CALML4: variants seen among roughly 807,000 people sequenced by gnomAD.
CALML4 encodes the protein calmodulin like 4, also known as calmodulin-like protein 4.
Under a neutral mutation model 17.9 loss-of-function variants are expected in CALML4, and 16 were observed. That is an observed-to-expected ratio of 0.89 (90% CI 0.61 to 1.36). The LOEUF is 1.36. CALML4 is among the 40% of genes most tolerant of loss of function. The pLI is 0.00. For synonymous variants in CALML4, 86 were observed against 71.5 expected (o/e 1.20, Z -1.02); for missense variants, 203 against 194.8 (o/e 1.04, Z -0.25).
Position 68,197,328 on chromosome 15 carries a change from GCAT to G in CALML4, c.364+109_364+111del. On this transcript the variant is annotated intron_variant, in intron 4 of 4. Coordinates refer to ENST00000467889, the MANE Select transcript of CALML4 (RefSeq NM_033429.3). This position sits in a 1 kb window ranked among gnomAD's most constrained non-coding sequence, Gnocchi z 4.1. ...CATCTGCTCACAGTCTCCTGCGCGC[GCAT>G]CAACAGAGGTGGTCTGTACCACCCT... is the stretch of plus-strand genomic sequence containing the variant. 1 of 953,342 alleles carries G rather than the reference GCAT, an allele frequency of 1.0e-6. No homozygotes were observed. The highest frequency in any genetic ancestry group is 1.6e-6 in the Non-Finnish European group (1 of 628,470). The allele number at this position is 953,342 out of a possible 1,614,324, so 59.1% of individuals were successfully genotyped here. A position where few individuals can be genotyped will look rare whatever the true frequency, so the allele number is the denominator to read the frequency against.
chr15:68,194,326 A>G (rs2093133412), intron 4 of CALML4, among the ~76,000 whole-genome samples: 1 of 151,382 alleles, frequency 6.6e-6, no homozygotes, highest in South Asian at 2.1e-4. Context: ...GGCTTTCTGC[A>G]GGGGCAGGGA....
rs910726952 is a variant in CALML4 at position 68,200,913 on chromosome 15, A to G, written c.35-1232T>C. 2.0e-5 allele frequency among the ~76,000 whole-genome samples: 3 copies of G among 152,114 alleles called. No individual in the cohort carries two copies. Among genetic ancestry groups the G allele is most frequent in the African/African-American group, 7.2e-5 (3 of 41,432 alleles). ...CGGACAGGACATTGAGGGCTGGAAC[A>G]CTGAGAGCCTGGCTGTGGGCAGCTC... On this transcript the variant is annotated intron_variant, in intron 2 of 4. Coordinates refer to ENST00000467889, the MANE Select transcript of CALML4 (RefSeq NM_033429.3). This position sits in a 1 kb window ranked among gnomAD's most constrained non-coding sequence, Gnocchi z 4.3.
Position 68,199,541 on chromosome 15 carries a change from C to A in CALML4, c.175G>T (p.Asp59Tyr). The A allele has an allele frequency of 1.2e-6, 2 of 1,612,870 alleles. No individual in the cohort carries two copies. The highest frequency in any genetic ancestry group is 3.3e-4 in the Middle Eastern group (2 of 5,998). ...CCCCGTTGTTCCCACCACCACTCAC[C>A]TATCCCGTGGGTCTGCAGGTGCCGC... is the stretch of plus-strand genomic sequence containing the variant. ...VQRHLQTHGI[D>Y]GNGELDFSTF... is the part of the protein sequence containing the mutation. Residue 59 changes from aspartate to tyrosine, a missense_variant and splice_region_variant, in exon 3 of 5, where the codon GAC (aspartate) becomes TAC (tyrosine). Transcript: ENST00000467889.
rs1241551106 is a variant in CALML4, at chr15:68,193,704, A to G, written c.*311T>C. On this transcript the variant is annotated 3_prime_UTR_variant, in exon 5 of 5. Coordinates refer to ENST00000467889, the MANE Select transcript of CALML4 (RefSeq NM_033429.3). The stretch of plus-strand genomic sequence containing the variant: ...CTTTGAGGAGTGAAATGATTTGCCC[A>G]AAGTCACAGTGGGAAGCAGCAGAGC... 7 of 290,556 alleles carry G rather than the reference A, an allele frequency of 2.4e-5. No individual in the cohort carries two copies. Among genetic ancestry groups the G allele is most frequent in the Non-Finnish European group, 6.5e-6 (1 of 153,532 alleles). The allele number at this position is 290,556 out of a possible 1,614,324, so 18.0% of individuals were successfully genotyped here. A position where few individuals can be genotyped will look rare whatever the true frequency, so the allele number is the denominator to read the frequency against.
rs542029539 is a variant in CALML4 at position 68,193,956 on chromosome 15, A to T, written c.*59T>A. 1.6e-4 allele frequency: 208 copies of T among 1,279,918 alleles called. No homozygotes were observed. Among genetic ancestry groups the T allele is most frequent in the Middle Eastern group, 5.6e-4 (3 of 5,374 alleles). 79.3% of individuals were successfully genotyped at this position (1,279,918 alleles called of 1,614,324 possible). A position where few individuals can be genotyped will look rare whatever the true frequency, so the allele number is the denominator to read the frequency against. ...CTCCCAAGTGAAAAGAACACTTTTT[A>T]AAAAAAATTAATTGCTCCAAGTTTT... On this transcript the variant is annotated 3_prime_UTR_variant, in exon 5 of 5. Coordinates refer to ENST00000467889, the MANE Select transcript of CALML4 (RefSeq NM_033429.3).
At position 68,193,955 on chromosome 15, in the gene CALML4, T is replaced by G. The variant is rs1334244594; in HGVS notation, c.*60A>C. On this transcript the variant is annotated 3_prime_UTR_variant, in exon 5 of 5. Coordinates refer to ENST00000467889, the MANE Select transcript of CALML4 (RefSeq NM_033429.3). Reference sequence around the variant, plus strand: ...TCTCCCAAGTGAAAAGAACACTTTTTAAAAAAAATTAATTGCTCCAAGTTT... The same window carrying G: ...TCTCCCAAGTGAAAAGAACACTTTTGAAAAAAAATTAATTGCTCCAAGTTT... The G allele has an allele frequency of 7.8e-7, 1 of 1,283,358 alleles. No homozygotes were observed. The highest frequency in any genetic ancestry group is 1.5e-5 in the African/African-American group (1 of 67,318). The allele number at this position is 1,283,358 out of a possible 1,614,324, so 79.5% of individuals were successfully genotyped here.
rs1038273268 is a variant in CALML4 at position 68,193,817 on chromosome 15, C to T, written c.*198G>A. ...CTCACGGTAGTTAATAAAATCAATA[C>T]AAATCTTTTATTAAAGATCTACTCA... On this transcript the variant is annotated 3_prime_UTR_variant, in exon 5 of 5. Coordinates refer to ENST00000467889, the MANE Select transcript of CALML4 (RefSeq NM_033429.3). 7.3e-6 allele frequency: 4 copies of T among 551,220 alleles called. No homozygotes were observed. In the Admixed American group the frequency reaches 1.3e-4, roughly 17 times the overall value. The allele number at this position is 551,220 out of a possible 1,614,324, so 34.1% of individuals were successfully genotyped here.
At chr15:68,205,507 G>GCCT, upstream of CALML4, 2 of 1,102,718 alleles carry the variant, frequency 1.8e-6, no homozygotes, top group Non-Finnish European at 2.6e-6. This position sits in a 1 kb window ranked among gnomAD's most constrained non-coding sequence, Gnocchi z 4.8. Flanking sequence ...CAGAGTCTCT[G>GCCT]CCTCCAGAAG....
Position 68,200,243 on chromosome 15 carries a change from TATG to T in CALML4, c.35-565_35-563del, listed in dbSNP as rs1461054389. ...GAGGCCTGCCAGAGAGTGGCCTTCATATGATGATATTATCATCATCATCAGAGC... is the reference window on the plus strand; with the variant it reads ...GAGGCCTGCCAGAGAGTGGCCTTCATATGATATTATCATCATCATCAGAGC... On this transcript the variant is annotated intron_variant, in intron 2 of 4. Transcript: ENST00000467889. The surrounding 1 kb of genome is among the most constrained non-coding windows in gnomAD (Gnocchi z 4.3). Among the ~76,000 whole-genome samples, 18 of 152,236 alleles carry T rather than the reference TATG, an allele frequency of 1.2e-4. No homozygotes were observed. The highest frequency in any genetic ancestry group is 2.1e-4 in the Non-Finnish European group (14 of 68,046).
At chr15:68,199,113 G>A (rs1359340446) in intron 3 of CALML4, among the ~76,000 whole-genome samples, 1 of 149,006 alleles carries the variant, frequency 6.7e-6, no homozygotes, top group Non-Finnish European at 1.5e-5. Context: ...AGTGAGCCGA[G>A]ATCTCACCAC....
chr15:68,205,485 T>C, upstream of CALML4: 1 of 1,359,976 alleles, frequency 7.4e-7, no homozygotes, highest in Non-Finnish European at 1.0e-6. The surrounding 1 kb of genome is among the most constrained non-coding windows in gnomAD (Gnocchi z 4.8). Flanking sequence ...TGCAGAAGGC[T>C]CTCCCTGGGC....
intron 4 of CALML4, among the ~76,000 whole-genome samples, chr15:68,194,930 C>T (rs1252154678): frequency 9.0e-6 from 1 of 111,436 alleles, no homozygotes. Flanking sequence ...CTACCATCAC[C>T]TCTAAAAAAA....
rs2093149112 is a variant in CALML4, at chr15:68,197,471, CG to C, written c.332del (p.Thr111ArgfsTer27). ...VMASDLRSKL[T>X]SLGEKLTHKE... The stretch of plus-strand genomic sequence containing the variant: ...TGTGGGTGAGCTTCTCCCCCAGACT[CG>C]TGAGTTTTGACCGCAGGTCGGACGC... On this transcript the variant is annotated frameshift_variant, in exon 4 of 5. Transcript: ENST00000467889. LOFTEE classifies it high-confidence loss of function. This position sits in a 1 kb window ranked among gnomAD's most constrained non-coding sequence, Gnocchi z 4.1. The C allele has an allele frequency of 6.2e-7, 1 of 1,614,012 alleles. No homozygotes were observed. Among genetic ancestry groups the C allele is most frequent in the African/African-American group, 1.3e-5 (1 of 74,918 alleles).
chr15:68,201,369 G>A (rs2093164991), intron 2 of CALML4, among the ~76,000 whole-genome samples: 1 of 152,216 alleles, frequency 6.6e-6, no homozygotes, highest in South Asian at 2.1e-4. Context: ...AGTGCCAGAG[G>A]GGACAATGCC....
chr15:68,193,459 C>A lies in CALML4; in HGVS notation c.*556G>T, dbSNP rs1379641914. ...TGAGAATTTGTAAATGGGCCTCTGG[C>A]ACTGCAAGAATTGTTGTCATAAGTG... On this transcript the variant is annotated 3_prime_UTR_variant, in exon 5 of 5. Transcript: ENST00000467889. The A allele has an allele frequency of 6.6e-6, 1 of 152,664 alleles. No homozygotes were observed. The highest frequency in any genetic ancestry group is 1.5e-5 in the Non-Finnish European group (1 of 68,360). The allele number at this position is 152,664 out of a possible 1,614,324, so 9.5% of individuals were successfully genotyped here.
intron 3 of CALML4, among the ~76,000 whole-genome samples, chr15:68,199,140 G>T (rs1049709716): frequency 6.6e-6 from 1 of 151,812 alleles, no homozygotes; most frequent in Non-Finnish European, 1.5e-5. Context: ...TCAGCTTCTC[G>T]GTGACAGAGC....
chr15:68,198,258 G>A (rs1248724962), intron 3 of CALML4: 1 of 152,326 alleles, frequency 6.6e-6, no homozygotes, highest in Non-Finnish European at 1.5e-5. Flanking sequence ...AGACCACTGA[G>A]CAACCCACCG....
Position 68,193,982 on chromosome 15 carries a change from C to T in CALML4, c.*33G>A, listed in dbSNP as rs763549097. The T allele has an allele frequency of 1.3e-6, 2 of 1,506,168 alleles. No homozygotes were observed. The highest frequency in any genetic ancestry group is 2.3e-5 in the East Asian group (1 of 44,052). The allele number at this position is 1,506,168 out of a possible 1,614,324, so 93.3% of individuals were successfully genotyped here. Reference sequence around the variant, plus strand: ...AAAAAAATTAATTGCTCCAAGTTTTCAGGCCCAGGGGAGGCTCTCCCATTC... The same window carrying T: ...AAAAAAATTAATTGCTCCAAGTTTTTAGGCCCAGGGGAGGCTCTCCCATTC... On this transcript the variant is annotated 3_prime_UTR_variant, in exon 5 of 5. Coordinates refer to ENST00000467889, the MANE Select transcript of CALML4 (RefSeq NM_033429.3).
chr15:68,193,856 A>G lies in CALML4; in HGVS notation c.*159T>C, dbSNP rs892629507. On this transcript the variant is annotated 3_prime_UTR_variant, in exon 5 of 5. Coordinates refer to ENST00000467889, the MANE Select transcript of CALML4 (RefSeq NM_033429.3). ...AAGATCTACTCATACCATGGCTGAAATCATCTATTATTGTTGCTAGTTAGC... is the reference window on the plus strand; with the variant it reads ...AAGATCTACTCATACCATGGCTGAAGTCATCTATTATTGTTGCTAGTTAGC... 6 of 604,568 alleles carry G rather than the reference A, an allele frequency of 9.9e-6. No individual in the cohort carries two copies. In the African/African-American group the frequency reaches 1.1e-4, roughly 11 times the overall value. The allele number at this position is 604,568 out of a possible 1,614,324, so 37.5% of individuals were successfully genotyped here.
Sources: allele counts gnomAD v4.1 joint callset (sites outside exome capture counted in the v4.1 genomes callset), GRCh38; gene constraint gnomAD v4.1.1; non-coding constraint Gnocchi (gnomAD v3.1); transcripts MANE v1.5; gene names NCBI Gene and HGNC (gene_info 2026-07-23, HGNC 2026-07-21).